The following C12orf42 variants were observed in gnomAD, a reference collection of about 807,000 sequenced individuals.
C12orf42 encodes the protein uncharacterized protein C12orf42.
In C12orf42, 25 loss-of-function variants were observed where a neutral mutation model predicts 21.6. The observed-to-expected ratio is 1.16, with a 90% confidence interval of 0.84 to 1.62. The LOEUF (loss-of-function observed/expected upper bound fraction) is 1.62, where lower values mean the gene tolerates loss of function less well. Ranked by LOEUF, C12orf42 falls within the 40% of genes most tolerant of loss-of-function variation. The pLI is 0.00. For synonymous variants in C12orf42, 174 were observed against 175.0 expected (o/e 0.99, Z 0.05); for missense variants, 483 against 459.3 (o/e 1.05, Z -0.47).
At chr12:103,484,983 C>T (rs1326005743) in intron 1 of C12orf42, among the ~76,000 whole-genome samples, 2 of 151,216 alleles carry the variant, frequency 1.3e-5, no homozygotes, top group African/African-American at 4.9e-5. Flanking sequence ...CATTCTCCTG[C>T]CTCAGCCTTC....
the C12orf42 span, among the ~76,000 whole-genome samples, chr12:103,050,241 T>C: frequency 6.6e-6 from 1 of 152,110 alleles, no homozygotes; most frequent in African/African-American, 2.4e-5. Flanking sequence ...TGTGTGTGTG[T>C]GTGTGTGTGT....
the C12orf42 span, among the ~76,000 whole-genome samples, chr12:103,066,156 G>A: frequency 6.6e-6 from 1 of 152,186 alleles, no homozygotes; most frequent in African/African-American, 2.4e-5. Flanking sequence ...CAATTACTGG[G>A]ATTTGGTGGA....
the C12orf42 span, among the ~76,000 whole-genome samples, chr12:103,050,186 G>A: frequency 6.6e-6 from 1 of 151,644 alleles, no homozygotes; most frequent in Non-Finnish European, 1.5e-5. Context: ...GCACACAGCA[G>A]GTGTTTAATA....
At chr12:103,300,616 T>C (rs999479546), downstream of C12orf42, among the ~76,000 whole-genome samples, 12 of 152,234 alleles carry the variant, frequency 7.9e-5, no homozygotes, top group African/African-American at 2.9e-4. Context: ...TTTTGGTTAA[T>C]TGTTTTAAAA....
chr12:103,462,514 T>C (rs1174181253), intron 2 of C12orf42, among the ~76,000 whole-genome samples: 1 of 152,178 alleles, frequency 6.6e-6, no homozygotes, highest in East Asian at 1.9e-4. Context: ...GTGGTTGCTG[T>C]AGCACTCCTT....
At chr12:103,192,612 A>C in the C12orf42 span, among the ~76,000 whole-genome samples, 61 of 152,300 alleles carry the variant, frequency 4.0e-4, no homozygotes, top group East Asian at 0.011. Flanking sequence ...ACATGAGATA[A>C]GATAGACTTT....
chr12:103,284,283 C>T (rs1168355035), intron 4 of C12orf42, among the ~76,000 whole-genome samples: 1 of 152,096 alleles, frequency 6.6e-6, no homozygotes, highest in Non-Finnish European at 1.5e-5. Context: ...TAACAAGTAG[C>T]CTCCATTGAT....
At chr12:103,142,083 T>C in the C12orf42 span, among the ~76,000 whole-genome samples, 1 of 152,198 alleles carries the variant, frequency 6.6e-6, no homozygotes, top group Non-Finnish European at 1.5e-5. Flanking sequence ...TCCTTTTACA[T>C]GACATTGTCT....
chr12:103,273,849 A>G (rs773566815), intron 5 of C12orf42: 1 of 456,232 alleles, frequency 2.2e-6, no homozygotes, highest in East Asian at 6.9e-5. Context: ...AGACTGATGC[A>G]CTCACAGCAG....
chr12:103,193,998 C>G, the C12orf42 span, among the ~76,000 whole-genome samples: 1 of 152,056 alleles, frequency 6.6e-6, no homozygotes, highest in Non-Finnish European at 1.5e-5. Flanking sequence ...AGATTTATCC[C>G]TGAAATGCAA....
the C12orf42 span, among the ~76,000 whole-genome samples, chr12:103,128,292 G>A: frequency 6.6e-6 from 1 of 152,076 alleles, no homozygotes; most frequent in Non-Finnish European, 1.5e-5. Context: ...AAGAAGAAAA[G>A]GCTACTGACT....
At chr12:103,243,313 C>T (rs11111506) in intron 10 of C12orf42, among the ~76,000 whole-genome samples, 1 of 152,152 alleles carries the variant, frequency 6.6e-6, no homozygotes, top group East Asian at 1.9e-4. Context: ...ACGTGGTAGC[C>T]ACTGTCCCTG....
At chr12:103,128,825 A>G in the C12orf42 span, among the ~76,000 whole-genome samples, 1 of 152,210 alleles carries the variant, frequency 6.6e-6, no homozygotes, top group Non-Finnish European at 1.5e-5. Context: ...TGAGATTTAA[A>G]ATATATCTTG....
downstream of C12orf42, among the ~76,000 whole-genome samples, chr12:103,235,230 A>T (rs2033432468): frequency 6.6e-6 from 1 of 152,140 alleles, no homozygotes; most frequent in Non-Finnish European, 1.5e-5. Flanking sequence ...AGCTCAGTTT[A>T]CACCCATGGG....
At chr12:103,222,783 G>A in the C12orf42 span, among the ~76,000 whole-genome samples, 1 of 151,172 alleles carries the variant, frequency 6.6e-6, no homozygotes, top group Non-Finnish European at 1.5e-5. Context: ...TGTATGGATG[G>A]ATCTACTCTG....
the C12orf42 span, among the ~76,000 whole-genome samples, chr12:103,204,006 A>T: frequency 6.6e-6 from 1 of 152,184 alleles, no homozygotes; most frequent in Non-Finnish European, 1.5e-5. Flanking sequence ...TGATGATAAA[A>T]TCATTTCTTC....
intron 10 of C12orf42, among the ~76,000 whole-genome samples, chr12:103,249,714 C>A (rs1323918300): frequency 6.6e-6 from 1 of 152,068 alleles, no homozygotes; most frequent in African/African-American, 2.4e-5. Flanking sequence ...AATAAGAGAA[C>A]AAACTCAAAC....
At chr12:103,455,104 A>G (rs1212856487) in intron 2 of C12orf42, among the ~76,000 whole-genome samples, 1 of 152,162 alleles carries the variant, frequency 6.6e-6, no homozygotes, top group Non-Finnish European at 1.5e-5. Context: ...AAGTCTTTCT[A>G]CTATGTTACT....
At chr12:103,138,809 C>G in the C12orf42 span, among the ~76,000 whole-genome samples, 1 of 152,174 alleles carries the variant, frequency 6.6e-6, no homozygotes, top group Non-Finnish European at 1.5e-5. Context: ...TCTGGCCTCT[C>G]TCTTGCATCC....
Sources: gnomAD v4.1 joint callset for allele counts (sites outside exome capture counted in the v4.1 genomes callset) on GRCh38, gnomAD v4.1.1 for gene constraint, MANE v1.5 for transcripts, NCBI Gene and HGNC (gene_info 2026-07-23, HGNC 2026-07-21) for gene names.